MACROD2: variants seen among roughly 807,000 people sequenced by gnomAD.
The protein encoded by MACROD2 is ADP-ribose glycohydrolase MACROD2.
Under a neutral mutation model 70.4 loss-of-function variants are expected in MACROD2, and 36 were observed. The observed-to-expected ratio is 0.51, with a 90% CI of 0.39 to 0.68. The LOEUF (loss-of-function observed/expected upper bound fraction) is 0.68. Among genes scored for constraint, MACROD2 ranks in the 30% least tolerant of loss-of-function variants. The pLI, the probability that MACROD2 is intolerant of heterozygous loss-of-function variation, is 0.00. For synonymous variants in MACROD2, 172 were observed against 178.8 expected (o/e 0.96, Z 0.30); for missense variants, 496 against 538.4 (o/e 0.92, Z 0.78).
At chr20:15,020,992 ATGTATATGCATACACATG>A (rs1205556923) in intron 5 of MACROD2, among the ~76,000 whole-genome samples, 45 of 148,526 alleles carry the variant, frequency 3.0e-4, no homozygotes, top group Non-Finnish European at 3.7e-4. Flanking sequence ...ATGTGTGTAT[ATGTATATGCATACACATG>A]TGTATATGTA....
At chr20:15,245,483 C>A (rs1262032670) in intron 6 of MACROD2, among the ~76,000 whole-genome samples, 1 of 152,134 alleles carries the variant, frequency 6.6e-6, no homozygotes, top group African/African-American at 2.4e-5. Context: ...GCAACTTTTC[C>A]AATTTTGACA....
At chr20:15,136,605 AACCC>A (rs1257832314) in intron 5 of MACROD2, among the ~76,000 whole-genome samples, 1 of 152,148 alleles carries the variant, frequency 6.6e-6, no homozygotes, top group Non-Finnish European at 1.5e-5. Flanking sequence ...AAACCATAAA[AACCC>A]TGGAAGAAAA....
At chr20:15,809,153 C>A (rs1038794624) in intron 8 of MACROD2, among the ~76,000 whole-genome samples, 2 of 152,078 alleles carry the variant, frequency 1.3e-5, no homozygotes, top group Non-Finnish European at 2.9e-5. Context: ...CCACTTCTAC[C>A]TTTTAAAATC....
chr20:15,445,870 A>G (rs2046558740), intron 7 of MACROD2, among the ~76,000 whole-genome samples: 2 of 152,132 alleles, frequency 1.3e-5, no homozygotes, highest in Admixed American at 6.6e-5. Flanking sequence ...TGTCCAGCCA[A>G]TAGGGTGAAA....
intron 2 of MACROD2, among the ~76,000 whole-genome samples, chr20:14,074,344 T>C (rs548269209): frequency 5.9e-5 from 9 of 152,306 alleles, no homozygotes; most frequent in Non-Finnish European, 1.2e-4. Context: ...ATTAGATTTA[T>C]TATTGGATTC....
chr20:15,357,989 T>C (rs956782216), intron 6 of MACROD2, among the ~76,000 whole-genome samples: 2 of 151,960 alleles, frequency 1.3e-5, no homozygotes, highest in African/African-American at 2.4e-5. Flanking sequence ...TTTGTATTTT[T>C]AGTAGAGACG....
chr20:15,594,519 C>T (rs975297452), intron 8 of MACROD2, among the ~76,000 whole-genome samples: 1 of 152,208 alleles, frequency 6.6e-6, no homozygotes, highest in Non-Finnish European at 1.5e-5. Context: ...CACTCCCATT[C>T]ATAACATGTG....
chr20:14,193,875 A>T (rs1344661963), intron 3 of MACROD2, among the ~76,000 whole-genome samples: 1 of 152,220 alleles, frequency 6.6e-6, no homozygotes, highest in Non-Finnish European at 1.5e-5. Flanking sequence ...ATGGAAAATA[A>T]TGAGCACAGA....
At chr20:14,440,979 C>T (rs1291284679) in intron 3 of MACROD2, among the ~76,000 whole-genome samples, 1 of 152,160 alleles carries the variant, frequency 6.6e-6, no homozygotes, top group African/African-American at 2.4e-5. Context: ...TGCTAGATAC[C>T]TTTGGACAGG....
At chr20:14,264,026 C>A (rs1010622076) in intron 3 of MACROD2, among the ~76,000 whole-genome samples, 11 of 129,156 alleles carry the variant, frequency 8.5e-5, no homozygotes, top group Middle Eastern at 4.3e-3. Context: ...CACACACACA[C>A]AACACAAGTG....
chr20:15,569,891 A>G (rs1370642307), intron 8 of MACROD2, among the ~76,000 whole-genome samples: 1 of 152,076 alleles, frequency 6.6e-6, no homozygotes, highest in Non-Finnish European at 1.5e-5. Flanking sequence ...TCAACTGTTG[A>G]TGGGCACTTA....
intron 8 of MACROD2, among the ~76,000 whole-genome samples, chr20:15,605,742 G>A (rs1237913628): frequency 2.6e-5 from 4 of 152,158 alleles, no homozygotes; most frequent in South Asian, 4.1e-4. Context: ...AGAAATAGGT[G>A]TGTCTTAGTC....
At chr20:15,156,121 C>A (rs963544503) in intron 5 of MACROD2, among the ~76,000 whole-genome samples, 5 of 152,190 alleles carry the variant, frequency 3.3e-5, no homozygotes, top group Non-Finnish European at 5.9e-5. Context: ...TGCAAATCTG[C>A]AATTTCCTTT....
At chr20:15,029,641 C>T (rs2075259450) in intron 5 of MACROD2, among the ~76,000 whole-genome samples, 1 of 152,164 alleles carries the variant, frequency 6.6e-6, no homozygotes, top group Non-Finnish European at 1.5e-5. Flanking sequence ...AACCATCACC[C>T]TCTACCAATC....
chr20:14,744,603 TA>T (rs1325350418), intron 5 of MACROD2, among the ~76,000 whole-genome samples: 1 of 152,160 alleles, frequency 6.6e-6, no homozygotes, highest in African/African-American at 2.4e-5. Context: ...ACACATTGAG[TA>T]GGCCCCTCCC....
chr20:14,834,557 T>G (rs1353501046), intron 5 of MACROD2, among the ~76,000 whole-genome samples: 1 of 152,058 alleles, frequency 6.6e-6, no homozygotes, highest in Non-Finnish European at 1.5e-5. Flanking sequence ...ATCACAGATT[T>G]AAGGCTTCAT....
chr20:15,576,238 C>T (rs143344728), intron 8 of MACROD2, among the ~76,000 whole-genome samples: 80 of 152,202 alleles, frequency 5.3e-4, no homozygotes, highest in African/African-American at 1.9e-3. Context: ...AATCTCATCA[C>T]CCCCCAAAAG....
chr20:15,509,000 GAGAAA>G (rs750102850), intron 8 of MACROD2, among the ~76,000 whole-genome samples: 11 of 152,130 alleles, frequency 7.2e-5, no homozygotes, highest in African/African-American at 2.7e-4. Flanking sequence ...TTTTTAACTA[GAGAAA>G]AGAAAAGGTT....
In MACROD2 at chr20:15,180,737, C is replaced by T. The variant is rs369511231; in HGVS notation, c.419-49203C>T. 2.5e-4 allele frequency among the ~76,000 whole-genome samples: 38 copies of T among 152,324 alleles called. No homozygotes were observed. The South Asian group carries it at 6.4e-3, about 26-fold the overall frequency. On this transcript the variant is annotated intron_variant, in intron 5 of 17. Coordinates refer to ENST00000684519, the MANE Select transcript of MACROD2 (RefSeq NM_001351661.2). ...AACTCCTGACCTCAAGTGATCCACC[C>T]GCCTTGGCCTCCCAAAGTTCTGGGA... is the stretch of plus-strand genomic sequence containing the variant.
Sources: allele counts gnomAD v4.1 joint callset (sites outside exome capture counted in the v4.1 genomes callset), GRCh38; gene constraint gnomAD v4.1.1; transcripts MANE v1.5; gene names NCBI Gene and HGNC (gene_info 2026-07-23, HGNC 2026-07-21).